Variants in PELI2 observed in about 807,000 individuals in gnomAD.
PELI2 encodes pellino E3 ubiquitin protein ligase family member 2, also known as E3 ubiquitin-protein ligase pellino homolog 2.
PELI2 carries 23 observed loss-of-function variants against 42.3 expected under a neutral mutation model. The observed-to-expected ratio is 0.54, with a 90% confidence interval of 0.39 to 0.77. The LOEUF (loss-of-function observed/expected upper bound fraction) is 0.77, where lower values mean the gene tolerates loss of function less well. Ranked by LOEUF, PELI2 falls within the 30% of genes least tolerant of loss-of-function variation. PELI2 has a pLI of 0.00. For synonymous variants in PELI2, 245 were observed against 212.2 expected (o/e 1.15, Z -1.34); for missense variants, 463 against 553.2 (o/e 0.84, Z 1.64).
At chr14:56,289,672 G>T (rs927429726) in intron 4 of PELI2, among the ~76,000 whole-genome samples, 1 of 151,728 alleles carries the variant, frequency 6.6e-6, no homozygotes, top group Non-Finnish European at 1.5e-5. Context: ...GAAAGCTGAA[G>T]GGAAGAGCTG....
chr14:56,279,377 G>A (rs536708230), intron 2 of PELI2, among the ~76,000 whole-genome samples: 4 of 152,300 alleles, frequency 2.6e-5, no homozygotes, highest in African/African-American at 9.6e-5. Context: ...GTAATATGGA[G>A]AAAGTGTGTG....
At chr14:56,131,954 C>T (rs1159965296) in intron 1 of PELI2, among the ~76,000 whole-genome samples, 1 of 152,112 alleles carries the variant, frequency 6.6e-6, no homozygotes, top group South Asian at 2.1e-4. Flanking sequence ...TCTCTCTTTG[C>T]GGTAGTGAGG....
intron 2 of PELI2, among the ~76,000 whole-genome samples, chr14:56,190,515 C>T (rs1273952756): frequency 1.3e-5 from 2 of 152,032 alleles, no homozygotes; most frequent in Non-Finnish European, 2.9e-5. Context: ...TCAAAGACCC[C>T]CTTGCTCCCA....
intron 1 of PELI2, among the ~76,000 whole-genome samples, chr14:56,133,521 A>G (rs1240095305): frequency 1.3e-5 from 2 of 152,242 alleles, no homozygotes; most frequent in African/African-American, 2.4e-5. Context: ...AAAGGACACT[A>G]CATTTTACAC....
At chr14:56,201,522 C>T (rs768352691) in intron 2 of PELI2, among the ~76,000 whole-genome samples, 3 of 152,116 alleles carry the variant, frequency 2.0e-5, no homozygotes, top group African/African-American at 4.8e-5. Flanking sequence ...ATTCATCCAT[C>T]GTTTTTAAGG....
At chr14:56,184,290 A>G (rs1885690838) in intron 2 of PELI2, among the ~76,000 whole-genome samples, 1 of 152,084 alleles carries the variant, frequency 6.6e-6, no homozygotes, top group African/African-American at 2.4e-5. Flanking sequence ...TTATTTGACA[A>G]ATACTAAGTG....
chr14:56,170,405 A>C (rs1445672430), intron 1 of PELI2, among the ~76,000 whole-genome samples: 1 of 152,248 alleles, frequency 6.6e-6, no homozygotes, highest in Non-Finnish European at 1.5e-5. Context: ...ATTGACAAAT[A>C]CATTTTTAGG....
intron 2 of PELI2, among the ~76,000 whole-genome samples, chr14:56,233,787 G>A (rs1386507536): frequency 6.6e-6 from 1 of 152,186 alleles, no homozygotes; most frequent in Non-Finnish European, 1.5e-5. Flanking sequence ...CTTCTGCACA[G>A]CAAAAGAAAC....
At chr14:56,244,546 C>A (rs548170411) in intron 2 of PELI2, among the ~76,000 whole-genome samples, 1 of 152,270 alleles carries the variant, frequency 6.6e-6, no homozygotes, top group South Asian at 2.1e-4. Context: ...GGTTCCCAGA[C>A]ATTCCTAATG....
chr14:56,120,872 A>G (rs1288540747), intron 1 of PELI2, among the ~76,000 whole-genome samples: 1 of 152,146 alleles, frequency 6.6e-6, no homozygotes, highest in Non-Finnish European at 1.5e-5. Context: ...AGAGGATGCT[A>G]GTCTGGTTTT....
intron 2 of PELI2, among the ~76,000 whole-genome samples, chr14:56,204,801 A>C (rs889668833): frequency 1.1e-4 from 16 of 152,050 alleles, no homozygotes; most frequent in African/African-American, 3.9e-4. Flanking sequence ...TTGAGACGCC[A>C]AGGTGGGTGG....
intron 2 of PELI2, among the ~76,000 whole-genome samples, chr14:56,275,092 T>A (rs559313308): frequency 1.3e-5 from 2 of 149,298 alleles, no homozygotes; most frequent in African/African-American, 5.1e-5. Context: ...ATTCATTCAT[T>A]CGTTTGACAT....
chr14:56,237,034 A>G (rs971139046), intron 2 of PELI2, among the ~76,000 whole-genome samples: 8 of 152,132 alleles, frequency 5.3e-5, no homozygotes, highest in African/African-American at 1.9e-4. Context: ...CTCTCACAAG[A>G]CTGTGAAAAT....
At chr14:56,220,516 G>T (rs528885072) in intron 2 of PELI2, among the ~76,000 whole-genome samples, 50 of 152,292 alleles carry the variant, frequency 3.3e-4, no homozygotes, top group African/African-American at 1.2e-3. Context: ...TTATATAACA[G>T]TTTGTATAAA....
At chr14:56,241,179 C>T (rs972420773) in intron 2 of PELI2, among the ~76,000 whole-genome samples, 1 of 152,040 alleles carries the variant, frequency 6.6e-6, no homozygotes, top group Non-Finnish European at 1.5e-5. Flanking sequence ...CCTGCTCCCT[C>T]CAGTAAAATG....
intron 2 of PELI2, among the ~76,000 whole-genome samples, chr14:56,272,905 G>A (rs1156995486): frequency 6.6e-5 from 10 of 152,160 alleles, no homozygotes; most frequent in South Asian, 2.1e-4. Context: ...ACAGATAACC[G>A]TAGTGTCTTG....
chr14:56,150,404 A>G (rs775259081), intron 1 of PELI2, among the ~76,000 whole-genome samples: 1 of 152,200 alleles, frequency 6.6e-6, no homozygotes, highest in Non-Finnish European at 1.5e-5. Context: ...ATTTTCTATT[A>G]GCCATATGTT....
rs370129204 is a variant in PELI2 at position 56,119,489 on chromosome 14, G to A, written c.77+752G>A. Among the ~76,000 whole-genome samples, 50 of 152,308 alleles carry A rather than the reference G, an allele frequency of 3.3e-4. No homozygotes were observed. The East Asian group carries it at 8.1e-3, about 25-fold the overall frequency. ...GCCTCGCTGATGCCCTCCCGGCTGCGGGGAGCTCGCCAGCCTCGCCCGCCT... is the reference window on the plus strand; with the variant it reads ...GCCTCGCTGATGCCCTCCCGGCTGCAGGGAGCTCGCCAGCCTCGCCCGCCT... On this transcript the variant is annotated intron_variant, in intron 1 of 5. Transcript: ENST00000267460.
chr14:56,146,079 T>C (rs908224585), intron 1 of PELI2, among the ~76,000 whole-genome samples: 2 of 152,192 alleles, frequency 1.3e-5, no homozygotes, highest in African/African-American at 4.8e-5. Context: ...TACAAAATAT[T>C]GTATTGACTC....
Sources: allele counts gnomAD v4.1 joint callset (sites outside exome capture counted in the v4.1 genomes callset), GRCh38; gene constraint gnomAD v4.1.1; transcripts MANE v1.5; gene names NCBI Gene and HGNC (gene_info 2026-07-23, HGNC 2026-07-21).